Variants in HIPK2 observed in about 807,000 individuals in gnomAD.
The protein encoded by HIPK2 is homeodomain-interacting protein kinase 2.
HIPK2 carries 27 observed loss-of-function variants against 113.7 expected under a neutral mutation model. The observed-to-expected ratio is 0.24, with a 90% CI of 0.17 to 0.33. The LOEUF (loss-of-function observed/expected upper bound fraction) is 0.33, where lower values mean the gene tolerates loss of function less well. Among genes scored for constraint, HIPK2 ranks in the 10% least tolerant of loss-of-function variants. The pLI is 1.00. For synonymous variants in HIPK2, 631 were observed against 642.2 expected (o/e 0.98, Z 0.26); for missense variants, 1,257 against 1,588.0 (o/e 0.79, Z 3.54).
intron 13 of HIPK2, chr7:139,583,545 T>A (rs1395639403): frequency 2.4e-6 from 1 of 415,430 alleles, no homozygotes; most frequent in Non-Finnish European, 4.3e-6. Context: ...AGGCTTTTAT[T>A]TTCTATTAAT....
At chr7:139,626,094 CTTTT>C (rs991156101) in intron 6 of HIPK2, among the ~76,000 whole-genome samples, 6 of 148,216 alleles carry the variant, frequency 4.0e-5, no homozygotes, top group Admixed American at 6.6e-5. Context: ...CACTTTCTTT[CTTTT>C]TTTCTTTCCT....
chr7:139,572,886 C>A lies in HIPK2; in HGVS notation c.*41G>T. 2 of 1,341,364 alleles carry A rather than the reference C, an allele frequency of 1.5e-6. No homozygotes were observed. The highest frequency in any genetic ancestry group is 2.5e-5 in the East Asian group (1 of 39,696). 83.1% of individuals were successfully genotyped at this position (1,341,364 alleles called of 1,614,324 possible). On this transcript the variant is annotated 3_prime_UTR_variant, in exon 15 of 15. Transcript: ENST00000406875. The stretch of plus-strand genomic sequence containing the variant: ...CTCCTTCTCTCCCTCCTCCCTCGGG[C>A]CATTCTCTCCCTCCCTCCCTCCCTC...
At chr7:139,753,735 G>A (rs550108938) in intron 1 of HIPK2, among the ~76,000 whole-genome samples, 10 of 152,358 alleles carry the variant, frequency 6.6e-5, no homozygotes, top group Admixed American at 1.3e-4. Context: ...CCAAGGGAGC[G>A]TCTCTGCGAG....
chr7:139,578,613 G>A (rs1798568003), intron 13 of HIPK2, among the ~76,000 whole-genome samples: 1 of 152,226 alleles, frequency 6.6e-6, no homozygotes, highest in East Asian at 1.9e-4. Flanking sequence ...TCTTCATTAA[G>A]TTTCTGGAAT....
intron 10 of HIPK2, among the ~76,000 whole-genome samples, chr7:139,602,625 GA>G (rs113890647): frequency 0.014 from 2,078 of 145,932 alleles, 49 homozygotes; most frequent in African/African-American, 0.048. Flanking sequence ...AGGGGCGAGG[GA>G]AAAAAAAAAA....
chr7:139,716,101 G>A lies in HIPK2; in HGVS notation c.934C>T (p.Leu312=). The stretch of plus-strand genomic sequence containing the variant: ...AGACCTAGGCTTTTGAGTTTCATCA[G>A]GGCTGTGGCTACCTGCTGGAGAACT... ...RPVLQQVATA[L]MKLKSLGLIH... The change falls in exon 2 of 15, where the codon CTG becomes TTG. Residue 312 remains leucine, a synonymous_variant. Coordinates refer to ENST00000406875, the MANE Select transcript of HIPK2 (RefSeq NM_022740.5). This position sits in a 1 kb window ranked among gnomAD's most constrained non-coding sequence, Gnocchi z 9.3. 6.2e-7 allele frequency: 1 copy of A among 1,614,114 alleles called. No homozygotes were observed. Among genetic ancestry groups the A allele is most frequent in the Non-Finnish European group, 8.5e-7 (1 of 1,179,974 alleles).
chr7:139,740,793 C>T (rs1796078327), intron 1 of HIPK2, among the ~76,000 whole-genome samples: 1 of 152,214 alleles, frequency 6.6e-6, no homozygotes, highest in South Asian at 2.1e-4. Flanking sequence ...CCCCTCCAAG[C>T]TGGCAGTAAA....
At chr7:139,730,056 C>T (rs1241609494) in intron 1 of HIPK2, among the ~76,000 whole-genome samples, 1 of 152,214 alleles carries the variant, frequency 6.6e-6, no homozygotes, top group Non-Finnish European at 1.5e-5. Context: ...CTCAGATGGA[C>T]TTTTCCTATC....
intron 2 of HIPK2, among the ~76,000 whole-genome samples, chr7:139,648,688 A>G (rs1250200147): frequency 6.6e-6 from 1 of 152,012 alleles, no homozygotes; most frequent in Non-Finnish European, 1.5e-5. Context: ...CACCCTTCTC[A>G]TCAGCCCCGT....
intron 9 of HIPK2, among the ~76,000 whole-genome samples, chr7:139,604,680 T>A: frequency 1.1e-5 from 1 of 87,440 alleles, no homozygotes; most frequent in South Asian, 4.3e-4. Context: ...CGAGACTCCG[T>A]CTCAAAAAAA....
chr7:139,667,463 A>G (rs1230346891), intron 2 of HIPK2, among the ~76,000 whole-genome samples: 1 of 152,248 alleles, frequency 6.6e-6, no homozygotes, highest in Non-Finnish European at 1.5e-5. Flanking sequence ...GACCTTTAGA[A>G]GAACTGTACA....
At position 139,751,478 on chromosome 7, in the gene HIPK2, G is replaced by A. The variant is rs568838888; in HGVS notation, c.19+26127C>T. Among the ~76,000 whole-genome samples the A allele has an allele frequency of 4.0e-5, 6 of 149,060 alleles. No individual in the cohort carries two copies. The South Asian group carries it at 1.1e-3, about 26-fold the overall frequency. ...TTACCCAGTTATAGCCTATAAGAAG[G>A]GGAGAGAGAACAGCTGGGACCTTTG... On this transcript the variant is annotated intron_variant, in intron 1 of 14. Transcript: ENST00000406875.
chr7:139,752,026 C>T (rs2117112023), intron 1 of HIPK2, among the ~76,000 whole-genome samples: 1 of 152,308 alleles, frequency 6.6e-6, no homozygotes, highest in South Asian at 2.1e-4. Flanking sequence ...CCAAAGTATA[C>T]TTTGTATATT....
intron 1 of HIPK2, among the ~76,000 whole-genome samples, chr7:139,721,576 C>A (rs1795409369): frequency 6.6e-6 from 1 of 152,206 alleles, no homozygotes; most frequent in Non-Finnish European, 1.5e-5. Context: ...GACCTCTGGA[C>A]TAGTCAAGGC....
At chr7:139,616,094 G>A (rs1319890813) in intron 7 of HIPK2, among the ~76,000 whole-genome samples, 1 of 152,044 alleles carries the variant, frequency 6.6e-6, no homozygotes, top group Non-Finnish European at 1.5e-5. Context: ...CCCTGTGGGT[G>A]TCCCTGCTGG....
At chr7:139,599,429 G>A (rs1391947381) in intron 11 of HIPK2, among the ~76,000 whole-genome samples, 1 of 152,218 alleles carries the variant, frequency 6.6e-6, no homozygotes, top group East Asian at 1.9e-4. Flanking sequence ...AGCCCTAATC[G>A]GATCTCTGTC....
chr7:139,573,446 A>C (rs752019006), intron 14 of HIPK2, 49 bp from the exon 15 acceptor site: 57 of 1,560,210 alleles, frequency 3.7e-5, no homozygotes, highest in Non-Finnish European at 4.9e-5. Flanking sequence ...ACACATGGGG[A>C]GGAAGGAATG....
At chr7:139,665,798 C>T (rs1802029405) in intron 2 of HIPK2, among the ~76,000 whole-genome samples, 1 of 152,204 alleles carries the variant, frequency 6.6e-6, no homozygotes, top group Non-Finnish European at 1.5e-5. Flanking sequence ...GACCCAGATG[C>T]TCATTTGTTC....
At chr7:139,581,058 G>A (rs1014709760) in intron 13 of HIPK2, among the ~76,000 whole-genome samples, 1 of 151,954 alleles carries the variant, frequency 6.6e-6, no homozygotes, top group African/African-American at 2.4e-5. Flanking sequence ...CATCTCTACC[G>A]AAATACAAAA....
Sources: gnomAD v4.1 joint callset for allele counts (sites outside exome capture counted in the v4.1 genomes callset) on GRCh38, gnomAD v4.1.1 for gene constraint, Gnocchi (gnomAD v3.1) non-coding constraint, MANE v1.5 for transcripts, NCBI Gene and HGNC (gene_info 2026-07-23, HGNC 2026-07-21) for gene names.